Variants in GABRA1 observed in about 807,000 individuals in gnomAD.
GABRA1 encodes the protein gamma-aminobutyric acid receptor subunit alpha-1.
GABRA1 carries 9 observed loss-of-function variants against 48.9 expected under a neutral mutation model. That is an observed-to-expected ratio of 0.18 (90% CI 0.11 to 0.32). The LOEUF is 0.32. Among genes scored for constraint, GABRA1 ranks in the 10% least tolerant of loss-of-function variants. The probability of loss-of-function intolerance (pLI) is 1.00; values close to 1 mark genes in which losing one functional copy is unlikely to be tolerated. For synonymous variants in GABRA1, 210 were observed against 198.7 expected, an observed-to-expected ratio of 1.06 and a Z score of -0.48; for missense variants, 285 against 553.8, an observed-to-expected ratio of 0.51 and a Z score of 4.87.
At chr5:161,888,085 T>C (rs1754926892) in intron 7 of GABRA1, among the ~76,000 whole-genome samples, 1 of 152,090 alleles carries the variant, frequency 6.6e-6, no homozygotes, top group Non-Finnish European at 1.5e-5. Flanking sequence ...ATCAGAAATA[T>C]TGTCACATCT....
upstream of GABRA1, chr5:161,847,368 A>G (rs553515856): frequency 2.0e-5 from 3 of 152,300 alleles, no homozygotes; most frequent in South Asian, 6.2e-4. Flanking sequence ...GGAGTGATTT[A>G]TTAGTTAAAT....
chr5:161,885,485 A>G (rs145526420), intron 7 of GABRA1, among the ~76,000 whole-genome samples: 19 of 152,280 alleles, frequency 1.2e-4, no homozygotes, highest in Non-Finnish European at 2.5e-4. Context: ...GAATCATTCA[A>G]TCCCCTTGGT....
chr5:161,870,995 T>A (rs1184080882), intron 4 of GABRA1, among the ~76,000 whole-genome samples: 5 of 132,824 alleles, frequency 3.8e-5, no homozygotes, highest in South Asian at 2.5e-4. Context: ...TGTGTGTGTG[T>A]GACTGGTACA....
intron 3 of GABRA1, among the ~76,000 whole-genome samples, chr5:161,865,349 G>A (rs954730123): frequency 1.3e-5 from 2 of 152,168 alleles, no homozygotes; most frequent in African/African-American, 4.8e-5. Context: ...ATACCTGGAG[G>A]ATCTGTCTAG....
chr5:161,859,432 T>C (rs1208420021), intron 3 of GABRA1, among the ~76,000 whole-genome samples: 2 of 151,882 alleles, frequency 1.3e-5, no homozygotes, highest in South Asian at 2.1e-4. Flanking sequence ...TGTTGGCTTC[T>C]TAGGGAATTG....
At chr5:161,853,930 A>G (rs1168028514) in intron 2 of GABRA1, among the ~76,000 whole-genome samples, 3 of 151,836 alleles carry the variant, frequency 2.0e-5, no homozygotes, top group African/African-American at 7.2e-5. Context: ...AAACAGACAG[A>G]AGTCATTTCT....
chr5:161,884,671 CA>C (rs1255835918), intron 7 of GABRA1, among the ~76,000 whole-genome samples: 1 of 152,096 alleles, frequency 6.6e-6, no homozygotes, highest in Non-Finnish European at 1.5e-5. Context: ...AACTTTTCCT[CA>C]AGGAACTCTT....
intron 8 of GABRA1, among the ~76,000 whole-genome samples, chr5:161,891,691 A>G (rs532124640): frequency 1.3e-5 from 2 of 152,300 alleles, no homozygotes; most frequent in East Asian, 1.9e-4. Flanking sequence ...TAGAGGGTGC[A>G]TTTGATATAA....
intron 8 of GABRA1, among the ~76,000 whole-genome samples, chr5:161,894,613 C>T (rs1755275220): frequency 6.6e-6 from 1 of 152,152 alleles, no homozygotes; most frequent in Non-Finnish European, 1.5e-5. Flanking sequence ...AGAATTATTT[C>T]TACAATATGT....
intron 1 of GABRA1, among the ~76,000 whole-genome samples, chr5:161,849,323 C>T (rs868440261): frequency 1.3e-5 from 2 of 151,934 alleles, no homozygotes; most frequent in Non-Finnish European, 2.9e-5. Context: ...GTTGTTTTTC[C>T]CTTGTAACAA....
At chr5:161,884,833 A>G (rs1399885100) in intron 7 of GABRA1, among the ~76,000 whole-genome samples, 1 of 152,174 alleles carries the variant, frequency 6.6e-6, no homozygotes, top group African/African-American at 2.4e-5. Flanking sequence ...TAGTCATGTT[A>G]CTATAACCCT....
chr5:161,895,487 A>T (rs1254413945), intron 8 of GABRA1, among the ~76,000 whole-genome samples, 179 bp from the exon 9 acceptor site: 1 of 152,208 alleles, frequency 6.6e-6, no homozygotes, highest in Non-Finnish European at 1.5e-5. Flanking sequence ...CATTCCATGA[A>T]TCACAGACTA....
At chr5:161,863,778 T>C in intron 3 of GABRA1, among the ~76,000 whole-genome samples, 1 of 151,920 alleles carries the variant, frequency 6.6e-6, no homozygotes, top group East Asian at 1.9e-4. Context: ...ACATAATGTA[T>C]TATATAGTTA....
chr5:161,860,725 T>C (rs1317902578), intron 3 of GABRA1, among the ~76,000 whole-genome samples: 1 of 151,670 alleles, frequency 6.6e-6, no homozygotes, highest in Non-Finnish European at 1.5e-5. Context: ...ATTGCATGCT[T>C]GTATCAAAAC....
intron 3 of GABRA1, among the ~76,000 whole-genome samples, chr5:161,865,277 A>G (rs1758007928): frequency 6.6e-6 from 1 of 152,136 alleles, no homozygotes; most frequent in Non-Finnish European, 1.5e-5. Flanking sequence ...CATACTCTTG[A>G]GTCCTTACAG....
At position 161,850,805 on chromosome 5, in the gene GABRA1, C is replaced by G. The variant is rs1421737328; in HGVS notation, c.-6C>G. The G allele has an allele frequency of 6.2e-7, 1 of 1,613,936 alleles. No homozygotes were observed. The highest frequency in any genetic ancestry group is 8.5e-7 in the Non-Finnish European group (1 of 1,179,838). On this transcript the variant is annotated 5_prime_UTR_variant, in exon 2 of 10. Coordinates refer to ENST00000393943, the MANE Select transcript of GABRA1 (RefSeq NM_001127644.2). ...TTATTCTACTTTTCAGCTGCTCCAGCCCGCGATGAGGAAAAGTCCAGGTCT... is the reference window on the plus strand; with the variant it reads ...TTATTCTACTTTTCAGCTGCTCCAGGCCGCGATGAGGAAAAGTCCAGGTCT...
chr5:161,891,722 T>C (rs1755098838), intron 8 of GABRA1, among the ~76,000 whole-genome samples: 2 of 152,172 alleles, frequency 1.3e-5, no homozygotes, highest in South Asian at 2.1e-4. Flanking sequence ...CCTGCCTATA[T>C]CCCCGTATAC....
At chr5:161,850,583 A>G in intron 1 of GABRA1, 1 of 601,346 alleles carries the variant, frequency 1.7e-6, no homozygotes. Flanking sequence ...TTACAGGAGA[A>G]TAAGGACACT....
At chr5:161,863,408 G>T (rs972885367) in intron 3 of GABRA1, among the ~76,000 whole-genome samples, 3 of 151,918 alleles carry the variant, frequency 2.0e-5, no homozygotes, top group African/African-American at 7.2e-5. Context: ...TTCCAATCAT[G>T]GTGGAAGGTG....
Sources: gnomAD v4.1 joint callset for allele counts (sites outside exome capture counted in the v4.1 genomes callset) on GRCh38, gnomAD v4.1.1 for gene constraint, MANE v1.5 for transcripts, NCBI Gene and HGNC (gene_info 2026-07-23, HGNC 2026-07-21) for gene names.